ZBTB7C: variants seen among roughly 807,000 people sequenced by gnomAD.
ZBTB7C encodes the protein zinc finger and BTB domain containing 7C, also known as zinc finger and BTB domain-containing protein 7C.
In ZBTB7C, 8 loss-of-function variants were observed where a neutral mutation model predicts 25.7. The ratio of observed to expected loss-of-function variants is 0.31; its 90% CI spans 0.18 to 0.56. The LOEUF is 0.56. ZBTB7C is among the 20% of genes least tolerant of loss of function. The pLI is 0.91. For synonymous variants in ZBTB7C, 394 were observed against 369.0 expected, an observed-to-expected ratio of 1.07 and a Z score of -0.78; for missense variants, 824 against 855.2, an observed-to-expected ratio of 0.96 and a Z score of 0.46.
At chr18:48,051,537 C>A (rs139364004) in intron 3 of ZBTB7C, among the ~76,000 whole-genome samples, 1 of 151,948 alleles carries the variant, frequency 6.6e-6, no homozygotes, top group Non-Finnish European at 1.5e-5. Flanking sequence ...GCAGGCCAGG[C>A]GGAATTATGC....
intron 3 of ZBTB7C, among the ~76,000 whole-genome samples, chr18:48,116,934 CTATGT>C (rs1312623266): frequency 1.3e-5 from 2 of 152,114 alleles, no homozygotes; most frequent in African/African-American, 4.8e-5. Flanking sequence ...GGCAGGGGCT[CTATGT>C]TATAATTCTT....
chr18:48,172,372 C>A (rs893022131), intron 3 of ZBTB7C, among the ~76,000 whole-genome samples: 1 of 152,104 alleles, frequency 6.6e-6, no homozygotes, highest in African/African-American at 2.4e-5. Flanking sequence ...GGAGGGCTGG[C>A]GGCTGGGAAT....
At chr18:48,083,178 CT>C (rs922350142) in intron 3 of ZBTB7C, among the ~76,000 whole-genome samples, 30 of 152,166 alleles carry the variant, frequency 2.0e-4, no homozygotes, top group African/African-American at 6.5e-4. Context: ...TTCTTCTTTT[CT>C]TTTTTTAATT....
At chr18:48,279,369 A>T (rs910853999) in intron 2 of ZBTB7C, among the ~76,000 whole-genome samples, 4 of 152,026 alleles carry the variant, frequency 2.6e-5, no homozygotes, top group Non-Finnish European at 5.9e-5. Context: ...AAAAAAGGGG[A>T]GGCAAAAGAG....
chr18:48,292,026 C>T (rs1214851722), intron 2 of ZBTB7C, among the ~76,000 whole-genome samples: 3 of 152,030 alleles, frequency 2.0e-5, no homozygotes, highest in Non-Finnish European at 4.4e-5. Context: ...GGTGAAACCC[C>T]GTCTTTACTA....
At chr18:48,400,523 G>C (rs1206559394) in intron 1 of ZBTB7C, among the ~76,000 whole-genome samples, 1 of 152,054 alleles carries the variant, frequency 6.6e-6, no homozygotes, top group African/African-American at 2.4e-5. Flanking sequence ...TGCTTTTGAT[G>C]TGTCCCCACC....
At chr18:48,067,422 A>G (rs568961779) in intron 3 of ZBTB7C, among the ~76,000 whole-genome samples, 4 of 152,218 alleles carry the variant, frequency 2.6e-5, no homozygotes, top group African/African-American at 9.6e-5. Flanking sequence ...TGGTATCCAC[A>G]TACTGGGTCA....
At chr18:48,290,998 A>C (rs979460224) in intron 2 of ZBTB7C, among the ~76,000 whole-genome samples, 1 of 152,226 alleles carries the variant, frequency 6.6e-6, no homozygotes, top group African/African-American at 2.4e-5. Context: ...GTCATATTTA[A>C]AAGTTTGGAA....
intron 2 of ZBTB7C, among the ~76,000 whole-genome samples, chr18:48,320,993 G>A (rs989004170): frequency 6.6e-6 from 1 of 152,258 alleles, no homozygotes; most frequent in East Asian, 1.9e-4. Flanking sequence ...GACTGTCAGA[G>A]CCCAGGAAGG....
chr18:48,039,938 C>T lies in ZBTB7C; in HGVS notation c.1170G>A (p.Lys390=). The part of the protein sequence containing the change: ...PRHMRTHTGE[K]PYMCTICEVR... ...CCTCGCAGATGGTGCACATGTATGGCTTCTCCCCGGTATGGGTCCTCATGT... is the reference window on the plus strand; with the variant it reads ...CCTCGCAGATGGTGCACATGTATGGTTTCTCCCCGGTATGGGTCCTCATGT... Residue 390 remains lysine (K), a synonymous_variant, in exon 4 of 5, where the codon AAG becomes AAA. Coordinates refer to ENST00000590800, the MANE Select transcript of ZBTB7C (RefSeq NM_001318841.2). 1 of 1,613,720 alleles carries T rather than the reference C, an allele frequency of 6.2e-7. No individual in the cohort carries two copies. Among genetic ancestry groups the T allele is most frequent in the South Asian group, 1.1e-5 (1 of 91,080 alleles).
At chr18:48,250,745 C>T (rs2043826491) in intron 2 of ZBTB7C, among the ~76,000 whole-genome samples, 1 of 151,656 alleles carries the variant, frequency 6.6e-6, no homozygotes, top group Admixed American at 6.6e-5. Flanking sequence ...ACTCAGCTGA[C>T]TGTCAGTCAG....
chr18:48,246,413 G>C (rs1277245828), intron 2 of ZBTB7C, among the ~76,000 whole-genome samples: 1 of 151,342 alleles, frequency 6.6e-6, no homozygotes, highest in Non-Finnish European at 1.5e-5. Context: ...CTGGGCAAGA[G>C]AGCGAGACTC....
intron 2 of ZBTB7C, among the ~76,000 whole-genome samples, chr18:48,284,109 T>C (rs1395178496): frequency 6.6e-6 from 1 of 151,768 alleles, no homozygotes; most frequent in Non-Finnish European, 1.5e-5. Context: ...ATTGCACCAC[T>C]GCACTTCAGC....
rs777999672 is a variant in ZBTB7C at position 48,039,881 on chromosome 18, C to T, written c.1208+19G>A. 1.0e-5 allele frequency: 16 copies of T among 1,607,654 alleles called. No homozygotes were observed. The highest frequency in any genetic ancestry group is 5.3e-5 in the African/African-American group (4 of 74,916). ...GGCCTCTGGCCCCGTGCCCCACACC[C>T]GAGGGCTGCCATGCGCACCTGGTGA... On this transcript the variant is annotated intron_variant, in intron 4 of 4. Coordinates refer to ENST00000590800, the MANE Select transcript of ZBTB7C (RefSeq NM_001318841.2).
At chr18:48,290,351 C>T (rs2045185285) in intron 2 of ZBTB7C, among the ~76,000 whole-genome samples, 1 of 152,234 alleles carries the variant, frequency 6.6e-6, no homozygotes, top group Admixed American at 6.5e-5. Context: ...TAGAAGGGCT[C>T]CCTTTCAGGG....
intron 2 of ZBTB7C, among the ~76,000 whole-genome samples, chr18:48,318,507 C>T (rs879463575): frequency 1.5e-4 from 23 of 152,142 alleles, no homozygotes; most frequent in Non-Finnish European, 4.4e-5. Flanking sequence ...GCTGGCATGG[C>T]GACAGGCTGT....
intron 3 of ZBTB7C, among the ~76,000 whole-genome samples, chr18:48,145,877 C>G (rs2144859028): frequency 6.6e-6 from 1 of 152,288 alleles, no homozygotes; most frequent in East Asian, 1.9e-4. Flanking sequence ...CTTAAAATCT[C>G]AGAAATATAG....
At chr18:48,251,950 T>C (rs2144441418) in intron 2 of ZBTB7C, among the ~76,000 whole-genome samples, 1 of 152,376 alleles carries the variant, frequency 6.6e-6, no homozygotes, top group South Asian at 2.1e-4. Flanking sequence ...ACTTCTTGTG[T>C]GTCCACGCTC....
intron 2 of ZBTB7C, among the ~76,000 whole-genome samples, chr18:48,276,618 A>G (rs370892457): frequency 0.097 from 8,707 of 89,872 alleles, 529 homozygotes; most frequent in South Asian, 0.16. Flanking sequence ...TGTCCCTACA[A>G]AGGACATGAA....
Sources: gnomAD v4.1 joint callset for allele counts (sites outside exome capture counted in the v4.1 genomes callset) on GRCh38, gnomAD v4.1.1 for gene constraint, MANE v1.5 for transcripts, NCBI Gene and HGNC (gene_info 2026-07-23, HGNC 2026-07-21) for gene names.